ACOT11: variants seen among roughly 807,000 people sequenced by gnomAD.
The protein encoded by ACOT11 is acyl-coenzyme A thioesterase 11.
ACOT11 carries 69 observed loss-of-function variants against 77.5 expected under a neutral mutation model. That is an observed-to-expected ratio of 0.89 (90% CI 0.73 to 1.09). The LOEUF is 1.09. ACOT11 is among the 50% of genes least tolerant of loss of function. The pLI, the probability that ACOT11 is intolerant of heterozygous loss-of-function variation, is 0.00. For synonymous variants in ACOT11, 279 were observed against 313.0 expected, an observed-to-expected ratio of 0.89 and a Z score of 1.15; for missense variants, 766 against 813.7, an observed-to-expected ratio of 0.94 and a Z score of 0.71.
intron 1 of ACOT11, among the ~76,000 whole-genome samples, chr1:54,549,671 C>G (rs778112083): frequency 2.5e-4 from 38 of 152,200 alleles, no homozygotes; most frequent in Non-Finnish European, 4.4e-4. Flanking sequence ...AGCCAGGGAG[C>G]AACACGAGGC....
intron 6 of ACOT11, among the ~76,000 whole-genome samples, chr1:54,596,537 C>G (rs1654904802): frequency 6.6e-6 from 1 of 152,178 alleles, no homozygotes; most frequent in Non-Finnish European, 1.5e-5. Flanking sequence ...GAAAAACCAT[C>G]CTTTTTGAGA....
At chr1:54,565,245 T>C (rs1454689619) in intron 1 of ACOT11, among the ~76,000 whole-genome samples, 1 of 152,186 alleles carries the variant, frequency 6.6e-6, no homozygotes. Flanking sequence ...GCAGTGATAC[T>C]CTTTACCCGG....
intron 15 of ACOT11, among the ~76,000 whole-genome samples, chr1:54,621,033 C>T (rs534249374): frequency 4.7e-5 from 7 of 150,388 alleles, no homozygotes; most frequent in South Asian, 4.2e-4. Flanking sequence ...TAGTGGCATG[C>T]GCCTGTAATC....
At chr1:54,588,951 G>A (rs899192394) in intron 3 of ACOT11, among the ~76,000 whole-genome samples, 3 of 152,058 alleles carry the variant, frequency 2.0e-5, no homozygotes, top group African/African-American at 7.2e-5. Flanking sequence ...AAGTTTTTTT[G>A]TTTGTTTATT....
At chr1:54,624,093 C>G (rs1644256860) in intron 15 of ACOT11, among the ~76,000 whole-genome samples, 1 of 152,152 alleles carries the variant, frequency 6.6e-6, no homozygotes, top group Non-Finnish European at 1.5e-5. Context: ...GCTGAGTCAC[C>G]ACTTCATGCA....
chr1:54,597,920 A>G (rs1299629821), intron 7 of ACOT11: 1 of 159,232 alleles, frequency 6.3e-6, no homozygotes, highest in Non-Finnish European at 1.4e-5. Flanking sequence ...CTCTCCTCTA[A>G]CATCTGTTTC....
intron 15 of ACOT11, chr1:54,616,210 T>C: frequency 6.4e-7 from 1 of 1,555,428 alleles, no homozygotes; most frequent in Non-Finnish European, 8.7e-7. Flanking sequence ...TTCCTTTTTT[T>C]AAAAAAAGAA....
chr1:54,617,906 T>C (rs1413015344), intron 15 of ACOT11, among the ~76,000 whole-genome samples: 1 of 151,826 alleles, frequency 6.6e-6, no homozygotes, highest in African/African-American at 2.4e-5. Context: ...TTTGTACTTT[T>C]AGTGGAGATG....
intron 6 of ACOT11, among the ~76,000 whole-genome samples, chr1:54,596,213 C>A (rs1654892639): frequency 6.6e-6 from 1 of 152,234 alleles, no homozygotes; most frequent in South Asian, 2.1e-4. Flanking sequence ...TGTGAATACC[C>A]TCCCCGTCCT....
intron 1 of ACOT11, among the ~76,000 whole-genome samples, chr1:54,562,853 G>T (rs1422502392): frequency 6.4e-5 from 8 of 124,056 alleles, no homozygotes; most frequent in Admixed American, 6.1e-4. Flanking sequence ...TGTGATGGCG[G>T]CTGGGAAGAG....
At chr1:54,599,589 G>T (rs1643938933) in intron 8 of ACOT11, 174 bp downstream of exon 8, 1 of 781,028 alleles carries the variant, frequency 1.3e-6, no homozygotes, top group Non-Finnish European at 1.7e-6. Flanking sequence ...CCCTTCTTGG[G>T]AGCCTTCCCT....
chr1:54,612,650 G>A (rs1368102444), downstream of ACOT11: 1 of 1,614,136 alleles, frequency 6.2e-7, no homozygotes, highest in South Asian at 1.1e-5. Context: ...ACATGTAGAA[G>A]GTGGTCCAGC....
intron 3 of ACOT11, 74 bp from the exon 4 acceptor site, chr1:54,592,472 C>A: frequency 7.0e-7 from 1 of 1,420,004 alleles, no homozygotes; most frequent in South Asian, 1.3e-5. Flanking sequence ...AAGAGAGGCT[C>A]TGCAAGTATC....
At chr1:54,613,896 T>C (rs1057261630), downstream of ACOT11, among the ~76,000 whole-genome samples, 7 of 152,110 alleles carry the variant, frequency 4.6e-5, no homozygotes, top group African/African-American at 1.7e-4. Flanking sequence ...AAGGCCTGGG[T>C]TTGAATCTTT....
chr1:54,638,141 A>C (rs1293301466), exon 17 of ACOT11: 1 of 151,936 alleles, frequency 6.6e-6, no homozygotes, highest in Admixed American at 6.6e-5. Flanking sequence ...AGATCTTAGA[A>C]GCGGCCAGAA....
intron 16 of ACOT11, chr1:54,630,982 G>A (rs1021853470): frequency 9.4e-6 from 5 of 532,650 alleles, no homozygotes; most frequent in South Asian, 2.9e-5. Flanking sequence ...CACTGATAAC[G>A]AGGAGGAACA....
intron 1 of ACOT11, among the ~76,000 whole-genome samples, chr1:54,550,665 A>C (rs1488888235): frequency 1.4e-5 from 2 of 143,580 alleles, no homozygotes; most frequent in African/African-American, 5.2e-5. Flanking sequence ...AATACGAAAA[A>C]AAAAATAGCT....
chr1:54,636,551 C>T (rs1388299670), exon 17 of ACOT11: 1 of 152,218 alleles, frequency 6.6e-6, no homozygotes, highest in Non-Finnish European at 1.5e-5. Context: ...ATCGGCTTTA[C>T]ACCCAGACAT....
intron 15 of ACOT11, among the ~76,000 whole-genome samples, chr1:54,624,228 T>A (rs924813932): frequency 6.6e-6 from 1 of 152,100 alleles, no homozygotes; most frequent in Non-Finnish European, 1.5e-5. Flanking sequence ...CGTCTACACA[T>A]TGGGGCTCAC....
Sources: allele counts gnomAD v4.1 joint callset (sites outside exome capture counted in the v4.1 genomes callset), GRCh38; gene constraint gnomAD v4.1.1; transcripts MANE v1.5; gene names NCBI Gene and HGNC (gene_info 2026-07-23, HGNC 2026-07-21).